Variants in TBX15 observed in about 807,000 individuals in gnomAD.
The protein encoded by TBX15 is T-box transcription factor 15.
In TBX15, 18 loss-of-function variants were observed where a neutral mutation model predicts 53.9. That is an observed-to-expected ratio of 0.33 (90% CI 0.23 to 0.49). The LOEUF is 0.49. TBX15 is among the 20% of genes least tolerant of loss of function. The probability of loss-of-function intolerance (pLI) is 0.98; values close to 1 mark genes in which losing one functional copy is unlikely to be tolerated. For missense variants in TBX15, 692 were observed against 749.5 expected, an observed-to-expected ratio of 0.92 and a Z score of 0.90; for synonymous variants, 295 against 278.0, an observed-to-expected ratio of 1.06 and a Z score of -0.61.
intron 1 of TBX15, among the ~76,000 whole-genome samples, chr1:118,983,061 C>A (rs771824823): frequency 2.0e-5 from 3 of 152,178 alleles, no homozygotes; most frequent in Non-Finnish European, 4.4e-5. Flanking sequence ...GAGGTGGACG[C>A]CAGAGGCGGG....
At chr1:118,910,414 G>GTTC (rs138943929) in intron 6 of TBX15, among the ~76,000 whole-genome samples, 36 of 151,998 alleles carry the variant, frequency 2.4e-4, no homozygotes, top group Non-Finnish European at 4.1e-4. Context: ...GATTTTTGTT[G>GTTC]TTGTTGTTGT....
intron 7 of TBX15, among the ~76,000 whole-genome samples, chr1:118,886,048 T>C (rs1005365166): frequency 2.0e-5 from 3 of 152,120 alleles, no homozygotes; most frequent in Admixed American, 6.5e-5. Flanking sequence ...AATGGGGTAA[T>C]GGAAGACAGT....
chr1:118,931,805 G>A lies in TBX15; in HGVS notation c.233C>T (p.Ser78Phe). 1.9e-6 allele frequency: 3 copies of A among 1,591,984 alleles called. No individual in the cohort carries two copies. Among genetic ancestry groups the A allele is most frequent in the Non-Finnish European group, 2.6e-6 (3 of 1,167,120 alleles). The change falls in exon 2 of 8, where the codon TCT (serine) becomes TTT (phenylalanine). Residue 78 changes from serine (S) to phenylalanine (F), a missense_variant. Physicochemically the swap from Ser to Phe is radical, Grantham distance 155. Transcript: ENST00000369429. ...PDSEQSTGSDSEVLTERTSCS... is the reference protein window; with the variant it reads ...PDSEQSTGSDFEVLTERTSCS... ...GGAAGTCCGCTCAGTGAGGACCTCA[G>A]AATCTGAACCAGTGCTCTGCTCAGA...
chr1:118,902,898 A>T (rs932797785), intron 6 of TBX15, among the ~76,000 whole-genome samples: 30 of 152,124 alleles, frequency 2.0e-4, no homozygotes, highest in Non-Finnish European at 4.3e-4. Flanking sequence ...GTAAAATTTT[A>T]TCTCCAAGTT....
chr1:118,908,404 T>G (rs1571164019), intron 6 of TBX15, among the ~76,000 whole-genome samples: 1 of 148,342 alleles, frequency 6.7e-6, no homozygotes. Flanking sequence ...AATCTCAAGC[T>G]GAGAAAAGCT....
At position 118,926,874 on chromosome 1, in the gene TBX15, T is replaced by TTG. The variant is rs34081549; in HGVS notation, c.420-265_420-264dup. ...GCATGAGCCACCACGCCCAGCTAAT[T>TTG]TGTGTGTGTGTGTGTGTGTGTGTGT... On this transcript the variant is annotated intron_variant, in intron 2 of 7. Transcript: ENST00000369429. Among the ~76,000 whole-genome samples, 7,208 of 149,004 alleles carry TTG rather than the reference T, an allele frequency of 0.048. 212 individuals are homozygous for TTG. Among genetic ancestry groups the TTG allele is most frequent in the Non-Finnish European group, 0.063 (4,203 of 67,226 alleles).
intron 6 of TBX15, among the ~76,000 whole-genome samples, chr1:118,912,465 A>G (rs1655055892): frequency 6.6e-6 from 1 of 152,172 alleles, no homozygotes; most frequent in South Asian, 2.1e-4. Context: ...AAGCCCTTGC[A>G]TGCCATGGCC....
chr1:118,944,588 T>TGTGTTGTTGAG (rs1656285669), intron 1 of TBX15, among the ~76,000 whole-genome samples: 4 of 152,216 alleles, frequency 2.6e-5, no homozygotes, highest in Non-Finnish European at 5.9e-5. Context: ...TGAGTGTCTG[T>TGTGTTGTTGAG]TGCCTTCTGA....
intron 6 of TBX15, 107 bp downstream of exon 6, chr1:118,914,008 G>T: frequency 1.8e-6 from 2 of 1,083,988 alleles, no homozygotes; most frequent in Non-Finnish European, 2.8e-6. Context: ...ACACAGTGGC[G>T]GAGCATACAG....
intron 7 of TBX15, among the ~76,000 whole-genome samples, chr1:118,888,914 A>T: frequency 7.6e-6 from 1 of 131,892 alleles, no homozygotes; most frequent in East Asian, 2.0e-4. Context: ...CTACAAAAAG[A>T]AAAAAAAAAA....
In TBX15 at chr1:118,987,818, T is replaced by C. The variant is rs1557912513; in HGVS notation, c.-23A>G. On this transcript the variant is annotated 5_prime_UTR_variant, in exon 1 of 8. Transcript: ENST00000369429. Reference sequence around the variant, plus strand: ...CATTTTAGCCGCCCACACCCCTGCCTCCGCTTGCCCCCGCTACCGAGGGAG... The same window carrying C: ...CATTTTAGCCGCCCACACCCCTGCCCCCGCTTGCCCCCGCTACCGAGGGAG... 2.6e-6 allele frequency: 4 copies of C among 1,546,802 alleles called. No individual in the cohort carries two copies. In the South Asian group the frequency reaches 3.6e-5, roughly 14 times the overall value.
intron 1 of TBX15, among the ~76,000 whole-genome samples, chr1:118,980,042 C>A (rs1657596218): frequency 6.6e-6 from 1 of 152,210 alleles, no homozygotes; most frequent in African/African-American, 2.4e-5. Flanking sequence ...TGAAGGTCAC[C>A]GAAACTGCGC....
chr1:118,930,369 A>G (rs370121177), intron 2 of TBX15, among the ~76,000 whole-genome samples: 1 of 152,214 alleles, frequency 6.6e-6, no homozygotes, highest in Admixed American at 6.5e-5. Flanking sequence ...AACTATTCCT[A>G]TATGCTGAAA....
chr1:118,939,421 A>AAAAAAAAAAAAAAAAAAAAAAT (rs1656079429), intron 1 of TBX15, among the ~76,000 whole-genome samples: 1 of 121,868 alleles, frequency 8.2e-6, no homozygotes, highest in Non-Finnish European at 1.7e-5. Flanking sequence ...AAAAAAAAAA[A>AAAAAAAAAAAAAAAAAAAAAAT]AAAAAAAAAA....
intron 7 of TBX15, chr1:118,890,815 G>T: frequency 1.7e-6 from 2 of 1,181,314 alleles, no homozygotes; most frequent in Non-Finnish European, 2.2e-6. Flanking sequence ...TTGAAAAACA[G>T]TAAGGCAAAA....
At chr1:118,889,459 A>G (rs1407407444) in intron 7 of TBX15, among the ~76,000 whole-genome samples, 1 of 152,216 alleles carries the variant, frequency 6.6e-6, no homozygotes, top group Non-Finnish European at 1.5e-5. Flanking sequence ...AGGCCAGGCC[A>G]TACTGATACA....
chr1:118,926,874 TTGTG>T (rs34081549), intron 2 of TBX15, among the ~76,000 whole-genome samples: 172 of 148,978 alleles, frequency 1.2e-3, no homozygotes, highest in Middle Eastern at 3.4e-3. Flanking sequence ...CCCAGCTAAT[TTGTG>T]TGTGTGTGTG....
At chr1:118,891,517 T>C (rs55907232) in intron 7 of TBX15, among the ~76,000 whole-genome samples, 8,966 of 152,252 alleles carry the variant, frequency 0.059, 865 homozygotes, top group African/African-American at 0.21. Context: ...CTCACTGCCT[T>C]AGCCCTACCT....
chr1:118,988,019 C>T lies in TBX15; in HGVS notation c.-224G>A. ...CCTACGCTGGCCCAGCTGCTAGGAA[C>T]TAGCGCCCCGAGCGCCGCCCGCTCG... is the stretch of plus-strand genomic sequence containing the variant. On this transcript the variant is annotated 5_prime_UTR_variant, in exon 1 of 8. Transcript: ENST00000369429. 1 of 623,716 alleles carries T rather than the reference C, an allele frequency of 1.6e-6. No homozygotes were observed. The highest frequency in any genetic ancestry group is 2.7e-6 in the Non-Finnish European group (1 of 367,112). 38.6% of individuals were successfully genotyped at this position (623,716 alleles called of 1,614,324 possible). A position where few individuals can be genotyped will look rare whatever the true frequency, so the allele number is the denominator to read the frequency against.
Sources: gnomAD v4.1 joint callset for allele counts (sites outside exome capture counted in the v4.1 genomes callset) on GRCh38, gnomAD v4.1.1 for gene constraint, MANE v1.5 for transcripts, NCBI Gene and HGNC (gene_info 2026-07-23, HGNC 2026-07-21) for gene names.